The following FAF2 variants were observed in gnomAD, a reference collection of about 807,000 sequenced individuals.
The protein encoded by FAF2 is Fas associated factor family member 2.
A neutral mutation model predicts 62.3 loss-of-function variants in FAF2; 9 were observed. The ratio of observed to expected loss-of-function variants is 0.14; its 90% CI spans 0.09 to 0.25. The LOEUF (loss-of-function observed/expected upper bound fraction) is 0.25, where lower values mean the gene tolerates loss of function less well. Ranked by LOEUF, FAF2 falls within the 10% of genes least tolerant of loss-of-function variation. FAF2 has a pLI of 1.00. For synonymous variants in FAF2, 202 were observed against 198.0 expected (o/e 1.02, Z -0.17); for missense variants, 368 against 556.2 (o/e 0.66, Z 3.40).
At chr5:176,460,813 A>G (rs1335279547) in intron 1 of FAF2, among the ~76,000 whole-genome samples, 1 of 151,934 alleles carries the variant, frequency 6.6e-6, no homozygotes, top group Non-Finnish European at 1.5e-5. Context: ...TTCACCAGGC[A>G]TGGCGGTGTA....
intron 4 of FAF2, among the ~76,000 whole-genome samples, 174 bp downstream of exon 4, chr5:176,489,201 A>G (rs536611520): frequency 6.6e-6 from 1 of 152,180 alleles, no homozygotes; most frequent in Non-Finnish European, 1.5e-5. Flanking sequence ...TTGTTGAAGC[A>G]TTGGCAGGCA....
rs778442460 is a variant in FAF2, at chr5:176,496,547, A to G, written c.723A>G (p.Arg241=). 1 of 1,613,170 alleles carries G rather than the reference A, an allele frequency of 6.2e-7. No individual in the cohort carries two copies. ...PFLAMIMLKD[R]RMTVVGRLEG... ...TGGCCATGATTATGCTGAAGGATCG[A>G]AGGATGACTGTGGTGGGACGGCTAG... Residue 241 remains arginine (R), a synonymous_variant, in exon 8 of 11, where the codon CGA becomes CGG. Transcript: ENST00000261942.
intron 5 of FAF2, among the ~76,000 whole-genome samples, 175 bp from the exon 6 acceptor site, chr5:176,493,821 GAAC>G (rs1759015790): frequency 6.6e-6 from 1 of 152,192 alleles, no homozygotes; most frequent in Admixed American, 6.5e-5. Flanking sequence ...TCTATAGGGA[GAAC>G]AATGCCAGGG....
rs373012453 is a variant in FAF2 at position 176,464,434 on chromosome 5, A to G, written c.64-14754A>G. Among the ~76,000 whole-genome samples the G allele has an allele frequency of 1.3e-4, 19 of 150,270 alleles. 1 individual carries two copies. The East Asian group carries it at 2.0e-3, about 16-fold the overall frequency. On this transcript the variant is annotated intron_variant, in intron 1 of 10. Transcript: ENST00000261942. The stretch of plus-strand genomic sequence containing the variant: ...TTATTTAAGATTAAGATATGGTTAT[A>G]TCTTGATTTGCACAGACCATTTGGT...
rs778907835 is a variant in FAF2, at chr5:176,488,974, C to T, written c.291C>T (p.Tyr97=). 3 of 1,613,846 alleles carry T rather than the reference C, an allele frequency of 1.9e-6. No individual in the cohort carries two copies. Among genetic ancestry groups the T allele is most frequent in the Non-Finnish European group, 2.5e-6 (3 of 1,179,912 alleles). The change falls in exon 4 of 11, where the codon TAC becomes TAT. Residue 97 remains tyrosine, a synonymous_variant. Transcript: ENST00000261942. ...QPRGLLGWGY[Y]LIMLPFRFTY... ...AGGGGCTGCTTGGATGGGGTTATTA[C>T]TTGATAATGCTTCCATTCCGGTTTA...
intron 9 of FAF2, 84 bp from the exon 10 acceptor site, chr5:176,499,919 T>C: frequency 6.6e-7 from 1 of 1,514,012 alleles, no homozygotes; most frequent in East Asian, 2.3e-5. Flanking sequence ...TTAATTTTTC[T>C]TCTGACGACT....
chr5:176,503,895 C>T (rs1473175755), intron 10 of FAF2, among the ~76,000 whole-genome samples: 1 of 152,144 alleles, frequency 6.6e-6, no homozygotes, highest in East Asian at 1.9e-4. Flanking sequence ...AGTGCGGTGG[C>T]TCATGCCTGT....
At chr5:176,503,156 G>T (rs1166293630) in intron 10 of FAF2, among the ~76,000 whole-genome samples, 1 of 152,216 alleles carries the variant, frequency 6.6e-6, no homozygotes, top group African/African-American at 2.4e-5. Context: ...ATGGAAAGAA[G>T]TGTGTAATGT....
rs1414883458 is a variant in FAF2 at position 176,508,216 on chromosome 5, G to C, written c.*1266G>C. ...AGTAATAGGGTTTTTTTTAACCTCT[G>C]GATGTCTCGTCTGTGGTTGAGTTTA... On this transcript the variant is annotated 3_prime_UTR_variant, in exon 11 of 11. Transcript: ENST00000261942. The C allele has an allele frequency of 6.6e-6, 1 of 152,208 alleles. No homozygotes were observed. Among genetic ancestry groups the C allele is most frequent in the Non-Finnish European group, 1.5e-5 (1 of 68,012 alleles). 9.4% of individuals were successfully genotyped at this position (152,208 alleles called of 1,614,324 possible).
At chr5:176,469,337 C>T (rs762643967) in intron 1 of FAF2, among the ~76,000 whole-genome samples, 1 of 152,194 alleles carries the variant, frequency 6.6e-6, no homozygotes, top group Non-Finnish European at 1.5e-5. Flanking sequence ...GATGTTAAGT[C>T]TAACATTCCT....
chr5:176,460,513 C>CGCGTGTGT lies in FAF2; in HGVS notation c.63+12044_63+12045insCGTGTGTG, dbSNP rs1554131473. 2.5e-4 allele frequency among the ~76,000 whole-genome samples: 33 copies of CGCGTGTGT among 132,626 alleles called. 1 individual carries two copies. Among genetic ancestry groups the CGCGTGTGT allele is most frequent in the Non-Finnish European group, 4.0e-4 (25 of 63,238 alleles). The allele number at this position is 132,626 out of a possible 152,430, so 87.0% of individuals were successfully genotyped here. A position where few individuals can be genotyped will look rare whatever the true frequency, so the allele number is the denominator to read the frequency against. ...CAGTGATGTTGACTATTTTTGGCCG[C>CGCGTGTGT]GTGTGTGTGTGTGTGTGTGTGTGTG... is the stretch of plus-strand genomic sequence containing the variant. On this transcript the variant is annotated intron_variant, in intron 1 of 10. Coordinates refer to ENST00000261942, the MANE Select transcript of FAF2 (RefSeq NM_014613.3).
Position 176,492,115 on chromosome 5 carries a change from A to G in FAF2, c.345-79A>G. On this transcript the variant is annotated intron_variant, in intron 4 of 10. Transcript: ENST00000261942. Reference sequence around the variant, plus strand: ...GTTGCCGTGCCTCTGGCTCTGTTACAGGAATCTGTACAAATTGGCCCACTC... The same window carrying G: ...GTTGCCGTGCCTCTGGCTCTGTTACGGGAATCTGTACAAATTGGCCCACTC... 3 of 1,554,346 alleles carry G rather than the reference A, an allele frequency of 1.9e-6. No homozygotes were observed. The South Asian group carries it at 3.4e-5, about 17-fold the overall frequency.
chr5:176,456,908 T>G (rs191266586), intron 1 of FAF2, among the ~76,000 whole-genome samples: 1 of 152,224 alleles, frequency 6.6e-6, no homozygotes, highest in African/African-American at 2.4e-5. Context: ...TTGGAAAGGT[T>G]TTGACATACT....
At chr5:176,480,611 C>T (rs1019262888) in intron 2 of FAF2, among the ~76,000 whole-genome samples, 6 of 151,816 alleles carry the variant, frequency 4.0e-5, no homozygotes, top group African/African-American at 1.2e-4. Flanking sequence ...CGAGGTCTTG[C>T]TGTGTTGCCC....
chr5:176,458,157 C>T lies in FAF2; in HGVS notation c.63+9687C>T, dbSNP rs538538468. On this transcript the variant is annotated intron_variant, in intron 1 of 10. Transcript: ENST00000261942. ...AGTGCAATTGTACAGTCTTGGCTCA[C>T]TGCAGCCTCCGCCTGCTGGACTCAA... 2.0e-5 allele frequency among the ~76,000 whole-genome samples: 3 copies of T among 152,322 alleles called. No individual in the cohort carries two copies. In the South Asian group the frequency reaches 6.2e-4, roughly 32 times the overall value.
At position 176,506,201 on chromosome 5, in the gene FAF2, A is replaced by AC. The variant is rs1253083509; in HGVS notation, c.1156-567_1156-566insC. On this transcript the variant is annotated intron_variant, in intron 10 of 10. Coordinates refer to ENST00000261942, the MANE Select transcript of FAF2 (RefSeq NM_014613.3). The stretch of plus-strand genomic sequence containing the variant: ...CAGAGCGAGACTCTCTCAAAAAAAA[A>AC]AAAAACAAAAAAAAAAAACTGGATC... 3.5e-3 allele frequency among the ~76,000 whole-genome samples: 516 copies of AC among 149,134 alleles called. 8 individuals are homozygous for AC. The highest frequency in any genetic ancestry group is 0.013 in the African/African-American group (496 of 39,106).
chr5:176,496,505 GAACACC>G lies in FAF2; in HGVS notation c.682_687del (p.Asn228_Thr229del). 6.2e-7 allele frequency: 1 copy of G among 1,601,142 alleles called. No homozygotes were observed. The highest frequency in any genetic ancestry group is 8.5e-7 in the Non-Finnish European group (1 of 1,174,532). ...TATCAGTCTCACAGGCTTTACGAGA[GAACACC>G]TATCCATTCCTGGCCATGATTATGC... On this transcript the variant is annotated inframe_deletion, in exon 8 of 11. Coordinates refer to ENST00000261942, the MANE Select transcript of FAF2 (RefSeq NM_014613.3).
intron 2 of FAF2, among the ~76,000 whole-genome samples, chr5:176,480,117 A>G (rs1293037268): frequency 6.6e-6 from 1 of 152,242 alleles, no homozygotes; most frequent in African/African-American, 2.4e-5. Context: ...TATTCCCAGC[A>G]TATAACATGG....
chr5:176,497,228 A>G lies in FAF2; in HGVS notation c.839+565A>G, dbSNP rs1046052717. Among the ~76,000 whole-genome samples, 8 of 152,158 alleles carry G rather than the reference A, an allele frequency of 5.3e-5. No individual in the cohort carries two copies. In the South Asian group the frequency reaches 1.7e-3, roughly 32 times the overall value. ...ATTGTGGCATTTAGAATAGCTGAATATAATATAAAGAACTTCGATGTAAAA... is the reference window on the plus strand; with the variant it reads ...ATTGTGGCATTTAGAATAGCTGAATGTAATATAAAGAACTTCGATGTAAAA... On this transcript the variant is annotated intron_variant, in intron 8 of 10. Coordinates refer to ENST00000261942, the MANE Select transcript of FAF2 (RefSeq NM_014613.3).
Sources: gnomAD v4.1 joint callset for allele counts (sites outside exome capture counted in the v4.1 genomes callset) on GRCh38, gnomAD v4.1.1 for gene constraint, MANE v1.5 for transcripts, NCBI Gene and HGNC (gene_info 2026-07-23, HGNC 2026-07-21) for gene names.